MROH7: variants seen among roughly 807,000 people sequenced by gnomAD.
The protein encoded by MROH7 is maestro heat like repeat family member 7, also known as maestro heat-like repeat-containing protein family member 7.
Under a neutral mutation model 129.2 loss-of-function variants are expected in MROH7, and 113 were observed. The observed-to-expected ratio is 0.87, with a 90% CI of 0.75 to 1.02. The LOEUF is 1.02. Among genes scored for constraint, MROH7 ranks in the 50% least tolerant of loss-of-function variants. The probability of loss-of-function intolerance (pLI) is 0.00; values close to 1 mark genes in which losing one functional copy is unlikely to be tolerated. For synonymous variants in MROH7, 655 were observed against 667.9 expected, an observed-to-expected ratio of 0.98 and a Z score of 0.30; for missense variants, 1,601 against 1,671.3, an observed-to-expected ratio of 0.96 and a Z score of 0.73.
intron 1 of MROH7, among the ~76,000 whole-genome samples, chr1:54,649,958 T>C (rs1191427062): frequency 6.6e-6 from 1 of 152,248 alleles, no homozygotes; most frequent in Non-Finnish European, 1.5e-5. Context: ...CCAAGGCAGA[T>C]GCAAAGCTGT....
At chr1:54,681,007 C>G (rs1356426310) in intron 13 of MROH7, among the ~76,000 whole-genome samples, 1 of 152,094 alleles carries the variant, frequency 6.6e-6, no homozygotes, top group African/African-American at 2.4e-5. Flanking sequence ...GGGGCCTCAT[C>G]TGACATCCGT....
chr1:54,644,729 TG>T (rs1165380905), intron 1 of MROH7, among the ~76,000 whole-genome samples: 1 of 150,964 alleles, frequency 6.6e-6, no homozygotes, highest in Non-Finnish European at 1.5e-5. Context: ...CTAGAGCTCC[TG>T]GGCTCAAGTG....
At chr1:54,660,561 C>T (rs1296274483) in intron 3 of MROH7, among the ~76,000 whole-genome samples, 1 of 152,210 alleles carries the variant, frequency 6.6e-6, no homozygotes, top group Non-Finnish European at 1.5e-5. Context: ...CGCCTGTAAT[C>T]CCAGCACTTT....
intron 3 of MROH7, among the ~76,000 whole-genome samples, chr1:54,660,685 C>T (rs941072437): frequency 2.6e-5 from 4 of 152,088 alleles, no homozygotes; most frequent in African/African-American, 9.7e-5. Context: ...CATGGTGGCA[C>T]ATGCCTGTAA....
At chr1:54,677,180 G>GC (rs1310847629) in intron 10 of MROH7, among the ~76,000 whole-genome samples, 1 of 152,028 alleles carries the variant, frequency 6.6e-6, no homozygotes, top group Non-Finnish European at 1.5e-5. Context: ...AGGTGGATCA[G>GC]CTGAGGTCCG....
At chr1:54,687,335 A>G (rs541061242) in intron 15 of MROH7, among the ~76,000 whole-genome samples, 3 of 152,306 alleles carry the variant, frequency 2.0e-5, no homozygotes, top group East Asian at 3.9e-4. Context: ...TCAGCCTCCC[A>G]AAGTGTTGGG....
chr1:54,686,628 C>T (rs1200219186), intron 15 of MROH7, among the ~76,000 whole-genome samples, 180 bp downstream of exon 15: 1 of 152,192 alleles, frequency 6.6e-6, no homozygotes. Flanking sequence ...TTTTTGAGCA[C>T]CTGCTCTGTG....
chr1:54,648,186 AG>A (rs1418286661), intron 1 of MROH7, among the ~76,000 whole-genome samples: 1 of 151,636 alleles, frequency 6.6e-6, no homozygotes, highest in Non-Finnish European at 1.5e-5. Flanking sequence ...GCCCTGCTGA[AG>A]ACACTATTCT....
intron 3 of MROH7, among the ~76,000 whole-genome samples, chr1:54,656,548 C>T (rs1293146956): frequency 3.0e-5 from 4 of 131,232 alleles, no homozygotes; most frequent in African/African-American, 8.7e-5. Context: ...TCAGGCTGGG[C>T]GCGGTGGCTC....
intron 14 of MROH7, 146 bp from the exon 15 acceptor site, chr1:54,686,112 G>T: frequency 1.6e-6 from 1 of 637,752 alleles, no homozygotes; most frequent in South Asian, 2.4e-5. Context: ...TTGGGGCTGG[G>T]GGGTGGGGAA....
At chr1:54,701,358 C>T (rs757163463) in intron 19 of MROH7, 36 bp downstream of exon 19, 24 of 1,508,344 alleles carry the variant, frequency 1.6e-5, no homozygotes, top group African/African-American at 5.6e-5. Flanking sequence ...CAGGAGGGAT[C>T]GAGAAGGGGG....
intron 19 of MROH7, among the ~76,000 whole-genome samples, chr1:54,701,597 T>TA (rs2101219315): frequency 6.6e-6 from 1 of 152,320 alleles, no homozygotes; most frequent in East Asian, 1.9e-4. Flanking sequence ...ACTTTCTTTT[T>TA]AAAGGCAGGA....
rs1348135992 is a variant in MROH7 at position 54,704,595 on chromosome 1, C to T, written c.3565-1840C>T. ...CTGGAATTATAGGCATGCACCTCCACACCCAGCTATTTTTTTTTTGTATTT... is the reference window on the plus strand; with the variant it reads ...CTGGAATTATAGGCATGCACCTCCATACCCAGCTATTTTTTTTTTGTATTT... On this transcript the variant is annotated intron_variant, in intron 21 of 23. Coordinates refer to ENST00000421030, the MANE Select transcript of MROH7 (RefSeq NM_001039464.4). Among the ~76,000 whole-genome samples the T allele has an allele frequency of 2.0e-5, 3 of 151,274 alleles. No individual in the cohort carries two copies. The East Asian group carries it at 5.8e-4, about 29-fold the overall frequency.
chr1:54,657,713 G>C (rs1644670785), intron 3 of MROH7, among the ~76,000 whole-genome samples: 1 of 149,028 alleles, frequency 6.7e-6, no homozygotes. Context: ...ATGGAGTCTT[G>C]ATTGCAGTGG....
At chr1:54,649,850 G>A (rs1234597598) in intron 1 of MROH7, among the ~76,000 whole-genome samples, 1 of 152,192 alleles carries the variant, frequency 6.6e-6, no homozygotes, top group Non-Finnish European at 1.5e-5. Flanking sequence ...ATTAAGTACA[G>A]GGCTTTGGAA....
At chr1:54,650,950 C>G (rs529512081) in intron 1 of MROH7, among the ~76,000 whole-genome samples, 36 of 152,206 alleles carry the variant, frequency 2.4e-4, no homozygotes, top group African/African-American at 8.4e-4. Flanking sequence ...GTCTCAAACT[C>G]CTGGACTCAA....
chr1:54,682,110 C>T (rs981063454), intron 13 of MROH7, among the ~76,000 whole-genome samples: 9 of 151,688 alleles, frequency 5.9e-5, no homozygotes, highest in African/African-American at 1.2e-4. Flanking sequence ...GCATGTAAAA[C>T]GTAAAACATT....
Position 54,686,225 on chromosome 1 carries a change from C to T in MROH7, c.2521-33C>T, listed in dbSNP as rs201884559. The T allele has an allele frequency of 1.6e-4, 255 of 1,576,548 alleles. 1 individual carries two copies. In the African/African-American group the frequency reaches 2.3e-3, roughly 14 times the overall value. ...CCAGGAGTGCTGGGAAGATGGGCCA[C>T]GACATCCCAGCAGCCTCCCCTCTGC... is the stretch of plus-strand genomic sequence containing the variant. On this transcript the variant is annotated intron_variant, in intron 14 of 23. Coordinates refer to ENST00000421030, the MANE Select transcript of MROH7 (RefSeq NM_001039464.4).
intron 10 of MROH7, among the ~76,000 whole-genome samples, chr1:54,677,161 G>A (rs1339819992): frequency 6.6e-6 from 1 of 152,040 alleles, no homozygotes; most frequent in South Asian, 2.1e-4. Context: ...CACTTTGGGA[G>A]GCCAAGGCAG....
Sources: gnomAD v4.1 joint callset for allele counts (sites outside exome capture counted in the v4.1 genomes callset) on GRCh38, gnomAD v4.1.1 for gene constraint, MANE v1.5 for transcripts, NCBI Gene and HGNC (gene_info 2026-07-23, HGNC 2026-07-21) for gene names.